The following PALLD variants were observed in gnomAD, a reference collection of about 807,000 sequenced individuals.
PALLD encodes the protein palladin.
Under a neutral mutation model 123.5 loss-of-function variants are expected in PALLD, and 61 were observed. The observed-to-expected ratio is 0.49, with a 90% CI of 0.40 to 0.61. The LOEUF is 0.61. Among genes scored for constraint, PALLD ranks in the 20% least tolerant of loss-of-function variants. The probability of loss-of-function intolerance (pLI) is 0.00; values close to 1 mark genes in which losing one functional copy is unlikely to be tolerated. For synonymous variants in PALLD, 465 were observed against 496.4 expected, an observed-to-expected ratio of 0.94 and a Z score of 0.84; for missense variants, 1,273 against 1,377.0, an observed-to-expected ratio of 0.92 and a Z score of 1.20.
At chr4:168,545,059 A>G (rs1372196609) in intron 2 of PALLD, among the ~76,000 whole-genome samples, 1 of 152,224 alleles carries the variant, frequency 6.6e-6, no homozygotes, top group African/African-American at 2.4e-5. Flanking sequence ...TCAGCCTGTG[A>G]GAGGAAATCA....
chr4:168,734,920 T>C (rs1787579178), intron 10 of PALLD, among the ~76,000 whole-genome samples: 1 of 150,266 alleles, frequency 6.7e-6, no homozygotes, highest in Non-Finnish European at 1.5e-5. Flanking sequence ...CAAGACCCCA[T>C]CTCTTAGAGA....
At chr4:168,580,351 T>G (rs905489079) in intron 2 of PALLD, among the ~76,000 whole-genome samples, 2 of 151,898 alleles carry the variant, frequency 1.3e-5, no homozygotes, top group African/African-American at 4.8e-5. Flanking sequence ...GACATACATG[T>G]GGCCACCAAG....
intron 2 of PALLD, among the ~76,000 whole-genome samples, chr4:168,600,601 A>T (rs1472187427): frequency 6.6e-6 from 1 of 152,148 alleles, no homozygotes; most frequent in Non-Finnish European, 1.5e-5. Flanking sequence ...TGTGACCAGA[A>T]CTTTAGGAAA....
chr4:168,564,664 A>G (rs1768190091), intron 2 of PALLD, among the ~76,000 whole-genome samples: 1 of 152,246 alleles, frequency 6.6e-6, no homozygotes, highest in Non-Finnish European at 1.5e-5. Context: ...CTATGGTAAT[A>G]AAATAACAGC....
intron 10 of PALLD, among the ~76,000 whole-genome samples, chr4:168,750,000 G>A (rs553343765): frequency 1.3e-5 from 2 of 151,374 alleles, no homozygotes; most frequent in East Asian, 3.9e-4. Context: ...AGGCTGGAGT[G>A]CAGTGGCAAT....
At chr4:168,703,580 G>C (rs1417034010) in intron 8 of PALLD, among the ~76,000 whole-genome samples, 1 of 126,814 alleles carries the variant, frequency 7.9e-6, no homozygotes, top group African/African-American at 3.6e-5. Context: ...GTTGTTTCCT[G>C]ACTTTTTAAT....
chr4:168,916,176 C>A, intron 17 of PALLD, 149 bp downstream of exon 17: 1 of 810,056 alleles, frequency 1.2e-6, no homozygotes, highest in Non-Finnish European at 2.1e-6. Context: ...ACTTTAGAGT[C>A]CAAAGCCGGG....
At chr4:168,860,032 C>T (rs1196148785) in intron 10 of PALLD, among the ~76,000 whole-genome samples, 1 of 152,220 alleles carries the variant, frequency 6.6e-6, no homozygotes, top group Non-Finnish European at 1.5e-5. Context: ...TGTTCAAGCA[C>T]TTAATAGCTA....
intron 2 of PALLD, among the ~76,000 whole-genome samples, chr4:168,637,608 A>G (rs977880651): frequency 1.3e-5 from 2 of 152,130 alleles, no homozygotes; most frequent in South Asian, 4.1e-4. Flanking sequence ...TTGATTTCTC[A>G]TCTGTGAAAT....
intron 10 of PALLD, among the ~76,000 whole-genome samples, chr4:168,830,291 G>A (rs1449241558): frequency 2.7e-5 from 4 of 150,558 alleles, no homozygotes; most frequent in African/African-American, 4.9e-5. Context: ...CTGGGAGGCC[G>A]AGGTGGGAGG....
intron 2 of PALLD, among the ~76,000 whole-genome samples, chr4:168,600,013 A>G (rs1277047897): frequency 6.7e-6 from 1 of 148,286 alleles, no homozygotes; most frequent in Non-Finnish European, 1.5e-5. Context: ...GTATATACAT[A>G]CATGTGTGTA....
intron 10 of PALLD, among the ~76,000 whole-genome samples, chr4:168,801,663 C>T (rs1739354503): frequency 6.6e-6 from 1 of 152,166 alleles, no homozygotes; most frequent in African/African-American, 2.4e-5. Flanking sequence ...GCCCCCAAGT[C>T]CCCCAGATAA....
Position 168,667,747 on chromosome 4 carries a change from G to C in PALLD, c.909-443G>C, listed in dbSNP as rs144881501. The stretch of plus-strand genomic sequence containing the variant: ...TCTTAAGGTCAACAAAAATATTGCT[G>C]CCTGTGATTTTTTAACATGATGATA... On this transcript the variant is annotated intron_variant, in intron 2 of 21. Transcript: ENST00000505667. 5.6e-3 allele frequency among the ~76,000 whole-genome samples: 845 copies of C among 152,212 alleles called. 11 individuals are homozygous for C. The highest frequency in any genetic ancestry group is 0.019 in the African/African-American group (779 of 41,522).
At chr4:168,594,205 A>C (rs915235745) in intron 2 of PALLD, among the ~76,000 whole-genome samples, 5 of 152,204 alleles carry the variant, frequency 3.3e-5, no homozygotes, top group Non-Finnish European at 5.9e-5. Flanking sequence ...GAAGGTAAGG[A>C]GATGGTTAAC....
At chr4:168,896,456 G>A in intron 12 of PALLD, 93 bp from the exon 13 acceptor site, 1 of 757,310 alleles carries the variant, frequency 1.3e-6, no homozygotes, top group Non-Finnish European at 2.3e-6. Flanking sequence ...CATATTGCTA[G>A]CACAAAAGTT....
At chr4:168,654,487 T>G in intron 2 of PALLD, among the ~76,000 whole-genome samples, 1 of 152,212 alleles carries the variant, frequency 6.6e-6, no homozygotes, top group East Asian at 1.9e-4. Context: ...GAAAACTGTA[T>G]TTTTCAAAGA....
intron 1 of PALLD, among the ~76,000 whole-genome samples, chr4:168,509,474 A>G (rs1017581782): frequency 2.0e-5 from 3 of 152,248 alleles, no homozygotes; most frequent in Non-Finnish European, 4.4e-5. Flanking sequence ...TGAAGAAAAT[A>G]CATTCAAGTA....
intron 10 of PALLD, among the ~76,000 whole-genome samples, chr4:168,849,998 A>C (rs1176535253): frequency 6.6e-6 from 1 of 152,194 alleles, no homozygotes; most frequent in East Asian, 1.9e-4. Context: ...ACAATGAATA[A>C]ACTCCTATCC....
In PALLD at chr4:168,649,604, C is replaced by CT. The variant is rs1304996296; in HGVS notation, c.909-18583dup. Among the ~76,000 whole-genome samples the CT allele has an allele frequency of 3.3e-5, 5 of 152,276 alleles. No individual in the cohort carries two copies. In the South Asian group the frequency reaches 1.0e-3, roughly 32 times the overall value. ...GAAAGAAATTATAACAGCCAGCTAACTTTATTGGGTAACATGCATCAAGCC... is the reference window on the plus strand; with the variant it reads ...GAAAGAAATTATAACAGCCAGCTAACTTTTATTGGGTAACATGCATCAAGCC... On this transcript the variant is annotated intron_variant, in intron 2 of 21. Coordinates refer to ENST00000505667, the MANE Select transcript of PALLD (RefSeq NM_001166108.2).
Sources: gnomAD v4.1 joint callset for allele counts (sites outside exome capture counted in the v4.1 genomes callset) on GRCh38, gnomAD v4.1.1 for gene constraint, MANE v1.5 for transcripts, NCBI Gene and HGNC (gene_info 2026-07-23, HGNC 2026-07-21) for gene names.